The following NRG1 variants were observed in gnomAD, a reference collection of about 807,000 sequenced individuals.
NRG1 encodes the protein neuregulin 1, also known as pro-neuregulin-1, membrane-bound isoform.
Under a neutral mutation model 63.8 loss-of-function variants are expected in NRG1, and 18 were observed. The ratio of observed to expected loss-of-function variants is 0.28; its 90% CI spans 0.19 to 0.42. The LOEUF (loss-of-function observed/expected upper bound fraction) is 0.42. Ranked by LOEUF, NRG1 falls within the 10% of genes least tolerant of loss-of-function variation. The probability of loss-of-function intolerance (pLI) is 1.00; values close to 1 mark genes in which losing one functional copy is unlikely to be tolerated. For synonymous variants in NRG1, 302 were observed against 301.3 expected (o/e 1.00, Z -0.02); for missense variants, 762 against 814.7 (o/e 0.94, Z 0.79).
In NRG1 at chr8:31,719,711, C is replaced by T. The variant is rs73672718; in HGVS notation, c.37+80280C>T. Among the ~76,000 whole-genome samples the T allele has an allele frequency of 6.6e-3, 1,009 of 152,238 alleles. 15 individuals are homozygous for T. The highest frequency in any genetic ancestry group is 0.023 in the African/African-American group (942 of 41,534). ...GTATTGATGTAAAAGATGGCACACCCTCTTCTGGGGCATAAATGCTTGAGG... is the reference window on the plus strand; with the variant it reads ...GTATTGATGTAAAAGATGGCACACCTTCTTCTGGGGCATAAATGCTTGAGG... On this transcript the variant is annotated intron_variant, in intron 1 of 10. Coordinates refer to the NRG1 transcript ENST00000519301.
intron 1 of NRG1, among the ~76,000 whole-genome samples, chr8:31,822,880 C>T (rs2129603813): frequency 6.6e-6 from 1 of 152,184 alleles, no homozygotes; most frequent in African/African-American, 2.4e-5. Context: ...GTTTTGCCAT[C>T]AATATTTTCA....
chr8:32,124,486 A>C (rs1249061288), intron 1 of NRG1, among the ~76,000 whole-genome samples: 1 of 151,924 alleles, frequency 6.6e-6, no homozygotes, highest in Non-Finnish European at 1.5e-5. Context: ...CTAAATATTT[A>C]TGGAGCCCCG....
At chr8:32,603,103 A>T (rs775197170) in intron 2 of NRG1, among the ~76,000 whole-genome samples, 6 of 152,164 alleles carry the variant, frequency 3.9e-5, no homozygotes, top group Non-Finnish European at 7.4e-5. Flanking sequence ...TCTCTGGTTG[A>T]TGTGTGAATA....
chr8:31,651,167 G>T (rs73237514), intron 1 of NRG1, among the ~76,000 whole-genome samples: 31,760 of 152,006 alleles, frequency 0.21, 3,778 homozygotes, highest in Non-Finnish European at 0.26. Context: ...AACCTTCAAG[G>T]GAAGGTGTCT....
chr8:32,403,903 G>T (rs1018163119), intron 1 of NRG1, among the ~76,000 whole-genome samples: 1 of 152,126 alleles, frequency 6.6e-6, no homozygotes, highest in African/African-American at 2.4e-5. Context: ...CCTGTCTCTA[G>T]CCACCCACTC....
At chr8:32,425,274 G>C (rs1817218293) in intron 1 of NRG1, among the ~76,000 whole-genome samples, 1 of 152,152 alleles carries the variant, frequency 6.6e-6, no homozygotes, top group Non-Finnish European at 1.5e-5. Flanking sequence ...GGAGAAGTTG[G>C]GATAATGTCA....
chr8:32,527,036 G>C (rs756327519), intron 1 of NRG1, among the ~76,000 whole-genome samples: 3 of 152,056 alleles, frequency 2.0e-5, no homozygotes, highest in Non-Finnish European at 4.4e-5. Context: ...GCCCCAGATA[G>C]TACCCAATTG....
intron 1 of NRG1, among the ~76,000 whole-genome samples, chr8:31,955,718 C>G (rs1287196049): frequency 6.6e-6 from 1 of 151,982 alleles, no homozygotes; most frequent in Non-Finnish European, 1.5e-5. Context: ...ACAGCTGCTT[C>G]TGAGGGTGAT....
At chr8:31,843,252 G>A (rs1563470943) in intron 1 of NRG1, among the ~76,000 whole-genome samples, 1 of 152,130 alleles carries the variant, frequency 6.6e-6, no homozygotes, top group African/African-American at 2.4e-5. Context: ...TAAATCTTAT[G>A]TTGTAGTGGC....
downstream of NRG1, among the ~76,000 whole-genome samples, chr8:32,769,134 C>G (rs1021209350): frequency 6.6e-6 from 1 of 152,268 alleles, no homozygotes; most frequent in Middle Eastern, 3.4e-3. Flanking sequence ...AGCCAACCAG[C>G]CATGCAGAGA....
intron 1 of NRG1, among the ~76,000 whole-genome samples, chr8:31,936,762 A>G (rs1285443354): frequency 6.6e-6 from 1 of 152,212 alleles, no homozygotes; most frequent in African/African-American, 2.4e-5. Flanking sequence ...AAGATACTCT[A>G]TTATCCCTTC....
intron 1 of NRG1, among the ~76,000 whole-genome samples, chr8:31,805,697 G>A (rs1354509383): frequency 6.6e-6 from 1 of 151,656 alleles, no homozygotes; most frequent in African/African-American, 2.4e-5. Flanking sequence ...GTGTGGTGGC[G>A]GGTGCCTGTA....
chr8:32,583,278 G>A (rs912243717), intron 1 of NRG1, among the ~76,000 whole-genome samples: 3 of 151,984 alleles, frequency 2.0e-5, no homozygotes, highest in African/African-American at 7.2e-5. Flanking sequence ...ATTGAAATAG[G>A]TGTGGCAGGT....
At chr8:31,969,738 A>C (rs16878587) in intron 1 of NRG1, among the ~76,000 whole-genome samples, 5,574 of 152,218 alleles carry the variant, frequency 0.037, 355 homozygotes, top group African/African-American at 0.13. Flanking sequence ...TTTCTTTCTT[A>C]AGCTCTTCAT....
intron 1 of NRG1, among the ~76,000 whole-genome samples, chr8:32,529,270 C>A (rs903562832): frequency 8.5e-5 from 13 of 152,070 alleles, no homozygotes; most frequent in Non-Finnish European, 8.8e-5. Context: ...ATATGGTACA[C>A]CTATGTAGAG....
intron 5 of NRG1, among the ~76,000 whole-genome samples, chr8:32,714,208 T>G (rs1246841728): frequency 6.6e-6 from 1 of 152,234 alleles, no homozygotes; most frequent in African/African-American, 2.4e-5. Context: ...ACCTTTGTAG[T>G]AGTCATTTAC....
At chr8:32,349,907 A>G (rs995604340) in intron 1 of NRG1, among the ~76,000 whole-genome samples, 2 of 152,206 alleles carry the variant, frequency 1.3e-5, no homozygotes, top group African/African-American at 4.8e-5. Flanking sequence ...GTGGCTGGCC[A>G]GAAGCACACT....
chr8:31,825,526 A>T (rs2129604354), intron 1 of NRG1, among the ~76,000 whole-genome samples: 1 of 152,354 alleles, frequency 6.6e-6, no homozygotes, highest in Non-Finnish European at 1.5e-5. Flanking sequence ...TAACACAGTT[A>T]TCCTTACAAT....
exon 12 of NRG1, chr8:32,763,994 C>T (rs1369976522): frequency 6.2e-6 from 10 of 1,614,078 alleles, no homozygotes; most frequent in Middle Eastern, 1.7e-4. Context: ...ACCACAACCC[C>T]GCGCATGACA....
Sources: gnomAD v4.1 joint callset for allele counts (sites outside exome capture counted in the v4.1 genomes callset) on GRCh38, gnomAD v4.1.1 for gene constraint, MANE v1.5 for transcripts, NCBI Gene and HGNC (gene_info 2026-07-23, HGNC 2026-07-21) for gene names.